CADM1: variants seen among roughly 807,000 people sequenced by gnomAD.
CADM1 encodes cell adhesion molecule 1, also known as TSLC-1.
In CADM1, 15 loss-of-function variants were observed where a neutral mutation model predicts 53.1. The observed-to-expected ratio is 0.28, with a 90% CI of 0.19 to 0.44. CADM1 has a LOEUF of 0.44. CADM1 is among the 20% of genes least tolerant of loss of function. CADM1 has a pLI of 1.00. For missense variants in CADM1, 434 were observed against 611.3 expected (o/e 0.71, Z 3.06); for synonymous variants, 281 against 243.0 (o/e 1.16, Z -1.45).
intron 8 of CADM1, among the ~76,000 whole-genome samples, chr11:115,206,176 G>C (rs1486215358): frequency 6.6e-6 from 1 of 152,150 alleles, no homozygotes; most frequent in Non-Finnish European, 1.5e-5. Context: ...TATGGGTACG[G>C]TTTCTGTTGA....
intron 1 of CADM1, among the ~76,000 whole-genome samples, chr11:115,244,552 T>G (rs2134937506): frequency 6.6e-6 from 1 of 152,276 alleles, no homozygotes. Flanking sequence ...ATCCCCGCTT[T>G]AGAGATGAAA....
At chr11:115,396,589 ATTAACT>A (rs1414994911) in intron 1 of CADM1, among the ~76,000 whole-genome samples, 1 of 152,188 alleles carries the variant, frequency 6.6e-6, no homozygotes, top group African/African-American at 2.4e-5. Flanking sequence ...TATGCTGGAG[ATTAACT>A]TTAGAGTTGT....
rs532906121 is a variant in CADM1 at position 115,169,574 on chromosome 11, C to G, written c.*6900G>C. The G allele has an allele frequency of 2.2e-6, 1 of 456,562 alleles. No homozygotes were observed. Among genetic ancestry groups the G allele is most frequent in the South Asian group, 1.5e-5 (1 of 64,542 alleles). 28.3% of individuals were successfully genotyped at this position (456,562 alleles called of 1,614,324 possible). On this transcript the variant is annotated 3_prime_UTR_variant, in exon 12 of 12. Transcript: ENST00000331581. ...AAGATTCATGTTCCTAATTGCAACA[C>G]TATAGCTGCCCTCATCACTTTATTC...
intron 1 of CADM1, among the ~76,000 whole-genome samples, chr11:115,488,030 T>C (rs867445464): frequency 5.9e-5 from 1 of 16,926 alleles, no homozygotes; most frequent in African/African-American, 2.3e-4. Context: ...TAAAAGGCAA[T>C]CCCTGGAAAA....
intron 8 of CADM1, among the ~76,000 whole-genome samples, chr11:115,203,849 TA>T (rs1940553340): frequency 6.6e-6 from 1 of 152,128 alleles, no homozygotes; most frequent in Non-Finnish European, 1.5e-5. Context: ...GTAACAGGTT[TA>T]CAATTATCAG....
intron 1 of CADM1, among the ~76,000 whole-genome samples, chr11:115,278,464 G>C (rs1026680336): frequency 6.6e-6 from 1 of 152,172 alleles, no homozygotes; most frequent in African/African-American, 2.4e-5. Context: ...AGGACTGGTA[G>C]GAGTTAAGAG....
chr11:115,191,292 A>C (rs571379017), intron 9 of CADM1, among the ~76,000 whole-genome samples: 14 of 152,194 alleles, frequency 9.2e-5, no homozygotes, highest in Non-Finnish European at 2.1e-4. Context: ...ATGTATTTAG[A>C]TGTTACATAC....
intron 8 of CADM1, among the ~76,000 whole-genome samples, chr11:115,199,712 G>T (rs756647607): frequency 2.6e-5 from 4 of 152,092 alleles, no homozygotes; most frequent in Non-Finnish European, 5.9e-5. Flanking sequence ...TTCCTTCTAC[G>T]ACTCATTGCT....
intron 3 of CADM1, among the ~76,000 whole-genome samples, chr11:115,233,846 G>C (rs1391473575): frequency 6.6e-6 from 1 of 152,212 alleles, no homozygotes; most frequent in East Asian, 1.9e-4. Context: ...TAGGAACTTA[G>C]GAAGGTGGCT....
At chr11:115,381,994 G>A (rs1307809301) in intron 1 of CADM1, among the ~76,000 whole-genome samples, 4 of 152,000 alleles carry the variant, frequency 2.6e-5, no homozygotes, top group African/African-American at 4.8e-5. Flanking sequence ...ACAGGTGCCC[G>A]CCACCACACC....
At chr11:115,473,771 T>C (rs999488089) in intron 1 of CADM1, among the ~76,000 whole-genome samples, 13 of 152,184 alleles carry the variant, frequency 8.5e-5, no homozygotes, top group African/African-American at 2.9e-4. Context: ...TTCATGACTT[T>C]GGGTTAGACA....
chr11:115,226,622 T>C (rs181196943), intron 5 of CADM1, among the ~76,000 whole-genome samples: 35 of 152,290 alleles, frequency 2.3e-4, no homozygotes, highest in Admixed American at 2.0e-3. Flanking sequence ...GTCTCTTCTT[T>C]CCTCATGGTC....
chr11:115,413,856 G>A (rs946091839), intron 1 of CADM1, among the ~76,000 whole-genome samples: 20 of 151,848 alleles, frequency 1.3e-4, no homozygotes, highest in Non-Finnish European at 2.9e-5. Context: ...TGTTGGCCAG[G>A]CTGGCCTCAA....
At chr11:115,438,493 G>T (rs1420317340) in intron 1 of CADM1, among the ~76,000 whole-genome samples, 1 of 151,954 alleles carries the variant, frequency 6.6e-6, no homozygotes, top group African/African-American at 2.4e-5. Context: ...AAATCAGACA[G>T]TCAGAGCTGT....
chr11:115,451,142 T>C (rs940366784), intron 1 of CADM1, among the ~76,000 whole-genome samples: 2 of 152,244 alleles, frequency 1.3e-5, no homozygotes, highest in African/African-American at 4.8e-5. Flanking sequence ...GCAATTTCCT[T>C]CTCCCAGAGA....
Position 115,489,401 on chromosome 11 carries a change from A to G in CADM1, c.124+14870T>C, listed in dbSNP as rs1017884032. ...ACACTAAGGCCTTGGCATATTCTGT[A>G]TCCCAACAACCAGTATTTATAAGAA... On this transcript the variant is annotated intron_variant, in intron 1 of 11. Transcript: ENST00000331581. Among the ~76,000 whole-genome samples, 6 of 152,380 alleles carry G rather than the reference A, an allele frequency of 3.9e-5. No homozygotes were observed. In the East Asian group the frequency reaches 1.2e-3, roughly 29 times the overall value.
At chr11:115,409,786 G>A (rs1371403877) in intron 1 of CADM1, among the ~76,000 whole-genome samples, 1 of 152,068 alleles carries the variant, frequency 6.6e-6, no homozygotes, top group Non-Finnish European at 1.5e-5. Flanking sequence ...ATAGCATTAG[G>A]GCAGGGATAA....
At chr11:115,405,543 C>G (rs1211214212) in intron 1 of CADM1, among the ~76,000 whole-genome samples, 2 of 152,160 alleles carry the variant, frequency 1.3e-5, no homozygotes, top group East Asian at 3.9e-4. Context: ...CATCCTTTCA[C>G]TGGATGTAAC....
chr11:115,205,652 A>T (rs1940639168), intron 8 of CADM1, among the ~76,000 whole-genome samples: 1 of 152,162 alleles, frequency 6.6e-6, no homozygotes, highest in South Asian at 2.1e-4. Flanking sequence ...TCATGAATGA[A>T]ACCACACGGA....
Sources: allele counts gnomAD v4.1 joint callset (sites outside exome capture counted in the v4.1 genomes callset), GRCh38; gene constraint gnomAD v4.1.1; transcripts MANE v1.5; gene names NCBI Gene and HGNC (gene_info 2026-07-23, HGNC 2026-07-21).